CCDC138: variants seen among roughly 807,000 people sequenced by gnomAD.
CCDC138 encodes coiled-coil domain containing 138, also known as coiled-coil domain-containing protein 138.
CCDC138 carries 66 observed loss-of-function variants against 82.3 expected under a neutral mutation model. The ratio of observed to expected loss-of-function variants is 0.80; its 90% CI spans 0.66 to 0.98. The LOEUF (loss-of-function observed/expected upper bound fraction) is 0.98. Ranked by LOEUF, CCDC138 falls within the 50% of genes least tolerant of loss-of-function variation. The probability of loss-of-function intolerance (pLI) is 0.00; values close to 1 mark genes in which losing one functional copy is unlikely to be tolerated. For missense variants in CCDC138, 816 were observed against 758.9 expected (o/e 1.08, Z -0.88); for synonymous variants, 297 against 265.4 (o/e 1.12, Z -1.16).
chr2:108,811,635 C>T (rs1159947367), intron 7 of CCDC138, among the ~76,000 whole-genome samples: 2 of 152,000 alleles, frequency 1.3e-5, no homozygotes, highest in Non-Finnish European at 2.9e-5. Context: ...ATTTTAGATT[C>T]AGAGGGTACA....
intron 7 of CCDC138, among the ~76,000 whole-genome samples, chr2:108,807,256 G>A (rs775892373): frequency 2.4e-4 from 36 of 152,114 alleles, no homozygotes; most frequent in Non-Finnish European, 4.9e-4. Context: ...CTTCATTAGA[G>A]AATTCCTAGC....
In CCDC138 at chr2:108,819,176, T is replaced by C. The variant is rs11890831; in HGVS notation, c.1206+3071T>C. 4.8e-3 allele frequency among the ~76,000 whole-genome samples: 725 copies of C among 152,296 alleles called. 5 individuals are homozygous for C. Among genetic ancestry groups the C allele is most frequent in the African/African-American group, 0.016 (647 of 41,556 alleles). On this transcript the variant is annotated intron_variant, in intron 10 of 14. Coordinates refer to ENST00000295124, the MANE Select transcript of CCDC138 (RefSeq NM_144978.3). Reference sequence around the variant, plus strand: ...GACAAGGACATGTTAGTGAGAATTATAGAGACCAGTTGAGAAGCTGCAGCA... The same window carrying C: ...GACAAGGACATGTTAGTGAGAATTACAGAGACCAGTTGAGAAGCTGCAGCA...
Position 108,812,723 on chromosome 2 carries a change from C to G in CCDC138, c.933+15C>G. ...ATAATTTACAGGTAAGTTGCCTGTT[C>G]TTCTCTACAGACAGAAGTATGTTTT... On this transcript the variant is annotated intron_variant, in intron 8 of 14. Transcript: ENST00000295124. The G allele has an allele frequency of 6.2e-7, 1 of 1,602,124 alleles. No homozygotes were observed. Among genetic ancestry groups the G allele is most frequent in the East Asian group, 2.2e-5 (1 of 44,750 alleles).
chr2:108,848,924 A>G (rs1690941450), intron 12 of CCDC138, among the ~76,000 whole-genome samples: 2 of 152,212 alleles, frequency 1.3e-5, no homozygotes, highest in South Asian at 4.1e-4. Context: ...TATGATACAG[A>G]TGATAGAATT....
In CCDC138 at chr2:108,839,165, T is replaced by G; in HGVS notation, c.1207-20T>G. On this transcript the variant is annotated intron_variant, in intron 10 of 14. Coordinates refer to ENST00000295124, the MANE Select transcript of CCDC138 (RefSeq NM_144978.3). Reference sequence around the variant, plus strand: ...AAAATACTGTGCCTTTGTATTTATTTTCCATCATTTTATCTTTAGCTTTTG... The same window carrying G: ...AAAATACTGTGCCTTTGTATTTATTGTCCATCATTTTATCTTTAGCTTTTG... The G allele has an allele frequency of 6.3e-7, 1 of 1,586,542 alleles. No individual in the cohort carries two copies. Among genetic ancestry groups the G allele is most frequent in the Non-Finnish European group, 8.6e-7 (1 of 1,168,340 alleles).
chr2:108,853,019 C>T lies in CCDC138; in HGVS notation c.1517-3775C>T, dbSNP rs75470371. Reference sequence around the variant, plus strand: ...TTTTGAAATGCATTCTGCTCACAAACATCACCAAAATACATCATAACCTTT... The same window carrying T: ...TTTTGAAATGCATTCTGCTCACAAATATCACCAAAATACATCATAACCTTT... On this transcript the variant is annotated intron_variant, in intron 12 of 14. Transcript: ENST00000295124. 8.3e-3 allele frequency among the ~76,000 whole-genome samples: 1,257 copies of T among 152,306 alleles called. 19 individuals are homozygous for T. The highest frequency in any genetic ancestry group is 0.029 in the African/African-American group (1,197 of 41,562).
At chr2:108,878,950 T>C (rs1460110622), downstream of CCDC138, among the ~76,000 whole-genome samples, 5 of 152,052 alleles carry the variant, frequency 3.3e-5, no homozygotes, top group African/African-American at 7.2e-5. Flanking sequence ...TATATAGATA[T>C]AGCAAAAAAT....
chr2:108,846,145 C>T (rs1366126227), intron 11 of CCDC138, among the ~76,000 whole-genome samples: 2 of 152,100 alleles, frequency 1.3e-5, no homozygotes, highest in Non-Finnish European at 2.9e-5. Flanking sequence ...AGCTGGTTTT[C>T]ATTGATGGTG....
At chr2:108,861,576 G>T (rs1410177230) in intron 13 of CCDC138, among the ~76,000 whole-genome samples, 1 of 150,640 alleles carries the variant, frequency 6.6e-6, no homozygotes, top group African/African-American at 2.5e-5. Flanking sequence ...CGCCTCCTGG[G>T]TTCAAGCGAT....
At chr2:108,814,492 G>A (rs1574034955) in intron 9 of CCDC138, among the ~76,000 whole-genome samples, 1 of 152,016 alleles carries the variant, frequency 6.6e-6, no homozygotes, top group Admixed American at 6.6e-5. Context: ...AAAAAATTGA[G>A]AAAGTGAAAA....
At chr2:108,867,838 A>T (rs961712484) in intron 13 of CCDC138, among the ~76,000 whole-genome samples, 1 of 152,230 alleles carries the variant, frequency 6.6e-6, no homozygotes, top group African/African-American at 2.4e-5. Flanking sequence ...ACTGGAATAA[A>T]AGCCTTACTA....
At chr2:108,841,596 CT>C (rs1423140233) in intron 11 of CCDC138, among the ~76,000 whole-genome samples, 1 of 151,936 alleles carries the variant, frequency 6.6e-6, no homozygotes, top group Non-Finnish European at 1.5e-5. Context: ...AAAAATATAT[CT>C]TTTCCCAGTC....
intron 1 of CCDC138, 110 bp downstream of exon 1, chr2:108,787,025 C>CGGCACT (rs1558953670): frequency 3.4e-6 from 2 of 590,428 alleles, no homozygotes; most frequent in African/African-American, 3.9e-5. Flanking sequence ...GTCCCGGCCC[C>CGGCACT]GGCACTCCCG....
At chr2:108,788,999 C>G in intron 3 of CCDC138, 33 bp downstream of exon 3, 1 of 1,607,512 alleles carries the variant, frequency 6.2e-7, no homozygotes, top group Non-Finnish European at 8.5e-7. Flanking sequence ...TGTTGCTACC[C>G]CCTCAGTATC....
At chr2:108,843,878 G>GTTTC (rs1689971188) in intron 11 of CCDC138, among the ~76,000 whole-genome samples, 1 of 44,156 alleles carries the variant, frequency 2.3e-5, no homozygotes, top group Non-Finnish European at 5.9e-5. Flanking sequence ...GTGTGTGTGT[G>GTTTC]TTTCTTTCTT....
intron 1 of CCDC138, chr2:108,882,255 A>G (rs1696312849): frequency 6.6e-6 from 1 of 152,230 alleles, no homozygotes; most frequent in Non-Finnish European, 1.5e-5. Context: ...AAATTACCAA[A>G]ATGTGAGCTC....
intron 12 of CCDC138, among the ~76,000 whole-genome samples, chr2:108,852,579 G>A (rs1048377795): frequency 6.6e-6 from 1 of 152,192 alleles, no homozygotes; most frequent in Non-Finnish European, 1.5e-5. Context: ...CCATTAAAAA[G>A]AATGAGATTA....
downstream of CCDC138, among the ~76,000 whole-genome samples, chr2:108,877,387 A>G (rs1199587347): frequency 2.6e-5 from 4 of 152,096 alleles, no homozygotes; most frequent in Admixed American, 6.5e-5. Flanking sequence ...AACCACTTCA[A>G]CCTGGGAGGC....
Position 108,860,651 on chromosome 2 carries a change from T to G in CCDC138, c.1693+3681T>G, listed in dbSNP as rs558971517. Reference sequence around the variant, plus strand: ...TCATCCTTGCATCTGAGGAATAAAGTCCACTTGATCGTGGTGGATTACCTT... The same window carrying G: ...TCATCCTTGCATCTGAGGAATAAAGGCCACTTGATCGTGGTGGATTACCTT... On this transcript the variant is annotated intron_variant, in intron 13 of 14. Transcript: ENST00000295124. 3.9e-5 allele frequency among the ~76,000 whole-genome samples: 6 copies of G among 152,188 alleles called. No individual in the cohort carries two copies. The South Asian group carries it at 1.2e-3, about 32-fold the overall frequency.
Sources: gnomAD v4.1 joint callset for allele counts (sites outside exome capture counted in the v4.1 genomes callset) on GRCh38, gnomAD v4.1.1 for gene constraint, MANE v1.5 for transcripts, NCBI Gene and HGNC (gene_info 2026-07-23, HGNC 2026-07-21) for gene names.